The following LARGE1 variants were observed in gnomAD, a reference collection of about 807,000 sequenced individuals.
LARGE1 encodes LARGE xylosyl- and glucuronyltransferase 1.
In LARGE1, 43 loss-of-function variants were observed where a neutral mutation model predicts 87.6. The observed-to-expected ratio is 0.49, with a 90% CI of 0.38 to 0.63. The LOEUF (loss-of-function observed/expected upper bound fraction) is 0.63. Among genes scored for constraint, LARGE1 ranks in the 30% least tolerant of loss-of-function variants. LARGE1 has a pLI of 0.00. For synonymous variants in LARGE1, 434 were observed against 394.6 expected, an observed-to-expected ratio of 1.10 and a Z score of -1.18; for missense variants, 802 against 1,000.2, an observed-to-expected ratio of 0.80 and a Z score of 2.67.
chr22:33,684,603 G>C (rs2081889212), intron 2 of LARGE1, among the ~76,000 whole-genome samples: 1 of 152,174 alleles, frequency 6.6e-6, no homozygotes, highest in Non-Finnish European at 1.5e-5. Context: ...AGGAAATTGA[G>C]AACCTAGCTC....
chr22:33,458,546 C>G (rs2068237987), intron 6 of LARGE1, among the ~76,000 whole-genome samples: 1 of 152,110 alleles, frequency 6.6e-6, no homozygotes, highest in South Asian at 2.1e-4. Context: ...ATTCTCCAGC[C>G]TCCTGAGTAG....
intron 1 of LARGE1, among the ~76,000 whole-genome samples, chr22:33,798,505 A>C (rs908621841): frequency 1.3e-5 from 2 of 152,218 alleles, no homozygotes; most frequent in African/African-American, 4.8e-5. Context: ...GAGAGCTGAC[A>C]GAAGGAGCAA....
At chr22:33,787,456 C>G (rs2085684953) in intron 1 of LARGE1, among the ~76,000 whole-genome samples, 1 of 152,072 alleles carries the variant, frequency 6.6e-6, no homozygotes, top group South Asian at 2.1e-4. Context: ...CATTTGACAC[C>G]TGATATAAAA....
intron 12 of LARGE1, among the ~76,000 whole-genome samples, chr22:33,297,003 T>C (rs1402222579): frequency 6.6e-6 from 1 of 152,178 alleles, no homozygotes; most frequent in Non-Finnish European, 1.5e-5. Context: ...GCTTGGCGCA[T>C]AGTAAGTGCT....
chr22:33,501,730 G>A (rs2070447453), intron 6 of LARGE1, among the ~76,000 whole-genome samples: 1 of 152,174 alleles, frequency 6.6e-6, no homozygotes, highest in South Asian at 2.1e-4. Flanking sequence ...ACTCACCCAG[G>A]CATGATGTGG....
In LARGE1 at chr22:33,564,828, A is replaced by AACGAATGG; in HGVS notation, c.787+12_787+19dup. 1.2e-6 allele frequency: 2 copies of AACGAATGG among 1,613,940 alleles called. No individual in the cohort carries two copies. The highest frequency in any genetic ancestry group is 1.7e-6 in the Non-Finnish European group (2 of 1,179,956). ...ATACCTACAAGGATATCGGGGAAAA[A>AACGAATGG]ACGAATGGGCTACCATTACCTTTGA... On this transcript the variant is annotated intron_variant, in intron 6 of 14. Transcript: ENST00000397394.
chr22:33,818,419 T>C (rs1448826196), intron 1 of LARGE1, among the ~76,000 whole-genome samples: 5 of 151,776 alleles, frequency 3.3e-5, no homozygotes, highest in Admixed American at 1.3e-4. Context: ...TGAATAAATA[T>C]AGGACAGGGG....
At chr22:33,527,418 T>C (rs962207977) in intron 6 of LARGE1, among the ~76,000 whole-genome samples, 1 of 152,198 alleles carries the variant, frequency 6.6e-6, no homozygotes, top group Non-Finnish European at 1.5e-5. Context: ...GCCAGTGAGA[T>C]GATGCAGTGG....
intron 1 of LARGE1, among the ~76,000 whole-genome samples, chr22:33,843,695 G>A (rs983662745): frequency 1.3e-5 from 2 of 151,848 alleles, no homozygotes; most frequent in African/African-American, 4.8e-5. Flanking sequence ...GTCTTATCCT[G>A]CAGGTTTGAG....
rs398124183 is a variant in LARGE1 at position 33,337,635 on chromosome 22, G to A, written c.1287+11C>T. ...CCGCCCCTTCCCTGCCCAGCCTTGC[G>A]AGCCACTTACGTTTTCACTGTTGAC... On this transcript the variant is annotated intron_variant, in intron 10 of 14. Transcript: ENST00000397394. 1.4e-5 allele frequency: 22 copies of A among 1,613,912 alleles called. No individual in the cohort carries two copies. The highest frequency in any genetic ancestry group is 1.6e-4 in the Middle Eastern group (1 of 6,082).
intron 1 of LARGE1, among the ~76,000 whole-genome samples, chr22:33,764,778 T>C (rs1259919624): frequency 6.6e-6 from 1 of 152,132 alleles, no homozygotes; most frequent in African/African-American, 2.4e-5. Flanking sequence ...AATAAATTTT[T>C]TAAAAACTTA....
At chr22:33,918,897 G>A (rs2065862230) in intron 1 of LARGE1, among the ~76,000 whole-genome samples, 1 of 142,934 alleles carries the variant, frequency 7.0e-6, no homozygotes, top group African/African-American at 2.6e-5. Flanking sequence ...GAAGGAAGCA[G>A]GAGCCTGATC....
chr22:33,475,091 C>T (rs761754828), intron 6 of LARGE1, among the ~76,000 whole-genome samples: 4 of 152,108 alleles, frequency 2.6e-5, no homozygotes, highest in Admixed American at 6.5e-5. Flanking sequence ...CAGGGAATGG[C>T]ATAGTCTACT....
chr22:33,755,292 G>A (rs1049775099), intron 2 of LARGE1, among the ~76,000 whole-genome samples: 2 of 152,114 alleles, frequency 1.3e-5, no homozygotes, highest in African/African-American at 2.4e-5. Context: ...CATGACACTG[G>A]TTTTAAGTGT....
Position 33,232,783 on chromosome 22 carries a change from G to C in LARGE1, c.1731-65951C>G, listed in dbSNP as rs1005645766. Reference sequence around the variant, plus strand: ...CTATTCTCAAGGCAGGGTGAAAAATGGGGGAGTAACGGCAGCCATTTTGCA... The same window carrying C: ...CTATTCTCAAGGCAGGGTGAAAAATCGGGGAGTAACGGCAGCCATTTTGCA... On this transcript the variant is annotated intron_variant, in intron 11 of 11. Transcript: ENST00000608642. Among the ~76,000 whole-genome samples the C allele has an allele frequency of 4.6e-5, 7 of 152,312 alleles. No homozygotes were observed. In the East Asian group the frequency reaches 1.4e-3, roughly 29 times the overall value.
chr22:33,231,391 C>G (rs1447160201), intron 11 of LARGE1, among the ~76,000 whole-genome samples: 1 of 152,108 alleles, frequency 6.6e-6, no homozygotes, highest in South Asian at 2.1e-4. Flanking sequence ...TACTTCAATA[C>G]CTAACTATAG....
the LARGE1 span, among the ~76,000 whole-genome samples, chr22:33,142,465 T>A: frequency 6.6e-6 from 1 of 152,084 alleles, no homozygotes; most frequent in Non-Finnish European, 1.5e-5. Context: ...ACACTGTTGT[T>A]TTTGGCAGTG....
chr22:33,249,817 C>T (rs548362010), intron 11 of LARGE1, among the ~76,000 whole-genome samples: 12 of 152,164 alleles, frequency 7.9e-5, no homozygotes, highest in Non-Finnish European at 1.3e-4. Context: ...TTGTATTGTA[C>T]TTGCTCCTTT....
At chr22:33,305,995 C>T (rs571081668) in intron 11 of LARGE1, among the ~76,000 whole-genome samples, 5 of 152,046 alleles carry the variant, frequency 3.3e-5, no homozygotes, top group Admixed American at 6.6e-5. Flanking sequence ...CCCGCTACCA[C>T]GCCCGGCTAA....
Sources: gnomAD v4.1 joint callset for allele counts (sites outside exome capture counted in the v4.1 genomes callset) on GRCh38, gnomAD v4.1.1 for gene constraint, MANE v1.5 for transcripts, NCBI Gene and HGNC (gene_info 2026-07-23, HGNC 2026-07-21) for gene names.